NTM: variants seen among roughly 807,000 people sequenced by gnomAD.
NTM encodes the protein neurotrimin, also known as IgLON family member 2.
A neutral mutation model predicts 42.1 loss-of-function variants in NTM; 13 were observed. The observed-to-expected ratio is 0.31, with a 90% CI of 0.20 to 0.49. The LOEUF is 0.49. Among genes scored for constraint, NTM ranks in the 20% least tolerant of loss-of-function variants. The pLI, the probability that NTM is intolerant of heterozygous loss-of-function variation, is 0.99. For synonymous variants in NTM, 187 were observed against 179.2 expected, an observed-to-expected ratio of 1.04 and a Z score of -0.35; for missense variants, 373 against 452.8, an observed-to-expected ratio of 0.82 and a Z score of 1.60.
chr11:131,929,004 C>G (rs1055152292), intron 2 of NTM, among the ~76,000 whole-genome samples: 1 of 152,242 alleles, frequency 6.6e-6, no homozygotes, highest in Non-Finnish European at 1.5e-5. Context: ...TCAATTATTT[C>G]TTCAGGAAAG....
chr11:131,839,744 G>T (rs1429608242), intron 1 of NTM, among the ~76,000 whole-genome samples: 1 of 152,244 alleles, frequency 6.6e-6, no homozygotes, highest in Non-Finnish European at 1.5e-5. Flanking sequence ...ATTTGAATGG[G>T]TGTGAGCAAA....
In NTM at chr11:131,401,539, C is replaced by T. The variant is rs561493496; in HGVS notation, c.82+30651C>T. On this transcript the variant is annotated intron_variant, in intron 1 of 8. Transcript: ENST00000683400. Reference sequence around the variant, plus strand: ...ATACATAGTAGATACTCAGTAAAGACATGATTTTAATTTCTGGAATTCAGA... The same window carrying T: ...ATACATAGTAGATACTCAGTAAAGATATGATTTTAATTTCTGGAATTCAGA... Among the ~76,000 whole-genome samples the T allele has an allele frequency of 2.1e-4, 32 of 151,728 alleles. No individual in the cohort carries two copies. The South Asian group carries it at 6.5e-3, about 31-fold the overall frequency.
intron 2 of NTM, among the ~76,000 whole-genome samples, chr11:131,956,673 T>A (rs2061592872): frequency 6.6e-6 from 1 of 151,178 alleles, no homozygotes; most frequent in South Asian, 2.1e-4. Context: ...TTCTTCCAGC[T>A]CCGGTGTTTG....
At chr11:131,824,996 A>G (rs1399993640) in intron 1 of NTM, among the ~76,000 whole-genome samples, 3 of 152,216 alleles carry the variant, frequency 2.0e-5, no homozygotes, top group Admixed American at 6.5e-5. Flanking sequence ...ATGGACTACA[A>G]CAACAGAAAT....
chr11:131,476,337 A>C (rs1358300334), intron 1 of NTM, among the ~76,000 whole-genome samples: 1 of 152,224 alleles, frequency 6.6e-6, no homozygotes, highest in Non-Finnish European at 1.5e-5. Flanking sequence ...TGGGGTCTAA[A>C]ACCAGGTAGC....
intron 1 of NTM, chr11:131,794,506 C>T: frequency 1.0e-6 from 1 of 985,306 alleles, no homozygotes; most frequent in Non-Finnish European, 1.2e-6. Flanking sequence ...TGGGAGTCAG[C>T]CTAAGAAAGA....
At chr11:131,449,241 A>G (rs1591698025) in intron 1 of NTM, among the ~76,000 whole-genome samples, 1 of 151,426 alleles carries the variant, frequency 6.6e-6, no homozygotes, top group African/African-American at 2.4e-5. Flanking sequence ...ACAGAAGGAC[A>G]GCCGGGGACT....
chr11:131,538,959 G>A (rs926757079), intron 1 of NTM: 1 of 118,698 alleles, frequency 8.4e-6, no homozygotes, highest in Admixed American at 1.1e-4. Flanking sequence ...TTGAGAAAAG[G>A]TCTTGCTCTG....
chr11:131,842,024 A>G (rs7941921), intron 1 of NTM, among the ~76,000 whole-genome samples: 7,021 of 152,302 alleles, frequency 0.046, 536 homozygotes, highest in African/African-American at 0.16. Flanking sequence ...ATACGACCAG[A>G]GAAACGTATG....
At chr11:132,126,528 A>T (rs1469731019) in intron 2 of NTM, among the ~76,000 whole-genome samples, 1 of 151,966 alleles carries the variant, frequency 6.6e-6, no homozygotes, top group East Asian at 1.9e-4. Flanking sequence ...CTTCGCAGCC[A>T]CCTCCCATGG....
At chr11:132,061,938 G>A (rs1453170476) in intron 2 of NTM, among the ~76,000 whole-genome samples, 1 of 152,156 alleles carries the variant, frequency 6.6e-6, no homozygotes, top group African/African-American at 2.4e-5. Flanking sequence ...GAGTGCGTGT[G>A]TGTGTGTGGA....
chr11:131,432,012 ATGAAAACAATATTTAATGAG>A (rs545137681), intron 1 of NTM, among the ~76,000 whole-genome samples: 192 of 152,348 alleles, frequency 1.3e-3, no homozygotes, highest in African/African-American at 4.6e-3. Context: ...TATTTGATGA[ATGAAAACAATATTTAATGAG>A]TGCAGGAGGT....
chr11:131,913,690 T>G (rs776768534), intron 2 of NTM, among the ~76,000 whole-genome samples: 6 of 152,238 alleles, frequency 3.9e-5, no homozygotes, highest in African/African-American at 1.4e-4. Context: ...CCAGTGGTAT[T>G]GTTTGGGTGT....
chr11:132,005,007 A>G (rs2070433010), intron 2 of NTM, among the ~76,000 whole-genome samples: 1 of 152,202 alleles, frequency 6.6e-6, no homozygotes, highest in Non-Finnish European at 1.5e-5. Flanking sequence ...AGCCAACTTC[A>G]GTATTCTTCT....
chr11:131,544,861 A>G (rs2053722363), intron 1 of NTM, among the ~76,000 whole-genome samples: 1 of 152,174 alleles, frequency 6.6e-6, no homozygotes, highest in African/African-American at 2.4e-5. Flanking sequence ...AGATAACTTG[A>G]TAGCAGTGGG....
chr11:131,405,922 T>C (rs922491962), intron 1 of NTM, among the ~76,000 whole-genome samples: 4 of 152,192 alleles, frequency 2.6e-5, no homozygotes, highest in Non-Finnish European at 1.5e-5. Context: ...TGGAAGGTTT[T>C]CCCTCCAGAT....
intron 2 of NTM, among the ~76,000 whole-genome samples, chr11:132,081,680 C>T (rs917871915): frequency 2.0e-5 from 3 of 150,088 alleles, no homozygotes; most frequent in East Asian, 2.0e-4. Flanking sequence ...TGCAGTGAGC[C>T]GAGATTGCAC....
At chr11:131,844,582 G>T (rs2044687584) in intron 1 of NTM, among the ~76,000 whole-genome samples, 1 of 151,976 alleles carries the variant, frequency 6.6e-6, no homozygotes, top group Non-Finnish European at 1.5e-5. Context: ...TTATGATGTT[G>T]TGTTTCTCTG....
rs145003478 is a variant in NTM, at chr11:131,812,183, CCT to C, written c.83-99344_83-99343del. On this transcript the variant is annotated intron_variant, in intron 1 of 8. Coordinates refer to ENST00000683400, the MANE Select transcript of NTM (RefSeq NM_001352005.2). ...CTTTGTCAGAAAGATAATTAGTCAG[CCT>C]CTCTCTCTCTCTCTCTCTCTCTCTC... Among the ~76,000 whole-genome samples, 1,143 of 142,942 alleles carry C rather than the reference CCT, an allele frequency of 8.0e-3. 12 individuals carry two copies. Among genetic ancestry groups the C allele is most frequent in the African/African-American group, 0.019 (684 of 36,264 alleles). 93.8% of individuals were successfully genotyped at this position (142,942 alleles called of 152,430 possible). A position where few individuals can be genotyped will look rare whatever the true frequency, so the allele number is the denominator to read the frequency against.
Sources: allele counts gnomAD v4.1 joint callset (sites outside exome capture counted in the v4.1 genomes callset), GRCh38; gene constraint gnomAD v4.1.1; transcripts MANE v1.5; gene names NCBI Gene and HGNC (gene_info 2026-07-23, HGNC 2026-07-21).